CAST: variants seen among roughly 807,000 people sequenced by gnomAD.
The protein encoded by CAST is MIR583 host.
Under a neutral mutation model 119.6 loss-of-function variants are expected in CAST, and 76 were observed. That is an observed-to-expected ratio of 0.64 (90% confidence interval 0.53 to 0.77). The LOEUF is 0.77. CAST is among the 30% of genes least tolerant of loss of function. The probability of loss-of-function intolerance (pLI) is 0.00; values close to 1 mark genes in which losing one functional copy is unlikely to be tolerated. For synonymous variants in CAST, 319 were observed against 331.6 expected (o/e 0.96, Z 0.41); for missense variants, 953 against 946.5 (o/e 1.01, Z -0.09).
the CAST span, among the ~76,000 whole-genome samples, chr5:96,108,275 G>A: frequency 4.1e-3 from 590 of 144,290 alleles, 2 homozygotes; most frequent in Middle Eastern, 7.0e-3. Flanking sequence ...GAGGAACTGC[G>A]TTCCTTTGGA....
chr5:96,676,183 G>A (rs1750688495), intron 2 of CAST, among the ~76,000 whole-genome samples: 1 of 152,182 alleles, frequency 6.6e-6, no homozygotes, highest in Non-Finnish European at 1.5e-5. Context: ...GAAGGGTCAT[G>A]TGAAAGTTCT....
At chr5:96,689,265 T>C (rs1752445456) in intron 2 of CAST, among the ~76,000 whole-genome samples, 1 of 152,226 alleles carries the variant, frequency 6.6e-6, no homozygotes, top group Non-Finnish European at 1.5e-5. Flanking sequence ...AGGGACAATC[T>C]TATCAAGTAG....
At chr5:96,461,456 C>A in the CAST span, among the ~76,000 whole-genome samples, 1 of 152,094 alleles carries the variant, frequency 6.6e-6, no homozygotes, top group African/African-American at 2.4e-5. Flanking sequence ...AGCAGCTGCA[C>A]CATTTTTCAT....
chr5:96,198,681 A>G, the CAST span, among the ~76,000 whole-genome samples: 1 of 152,006 alleles, frequency 6.6e-6, no homozygotes, highest in Non-Finnish European at 1.5e-5. Flanking sequence ...TTCCTTTTTC[A>G]TACACAAACT....
intron 2 of CAST, among the ~76,000 whole-genome samples, chr5:96,678,908 T>G (rs1751012730): frequency 6.6e-6 from 1 of 152,080 alleles, no homozygotes; most frequent in African/African-American, 2.4e-5. Flanking sequence ...ATTTCAGAGT[T>G]CTTTCTCCCT....
At chr5:96,452,577 C>T in the CAST span, among the ~76,000 whole-genome samples, 83 of 141,580 alleles carry the variant, frequency 5.9e-4, no homozygotes, top group African/African-American at 2.1e-3. Flanking sequence ...AGCACCATGG[C>T]ACATGTATAC....
At chr5:96,299,587 G>T in the CAST span, among the ~76,000 whole-genome samples, 2 of 152,124 alleles carry the variant, frequency 1.3e-5, no homozygotes, top group East Asian at 3.9e-4. Context: ...TCCCTGCTTT[G>T]TTGAAGCATG....
chr5:96,433,482 T>C, the CAST span, among the ~76,000 whole-genome samples: 2 of 152,216 alleles, frequency 1.3e-5, no homozygotes, highest in South Asian at 4.1e-4. Flanking sequence ...AGAAACATTT[T>C]CACTTTTCAA....
At chr5:96,721,457 G>T (rs1561521557) in intron 3 of CAST, among the ~76,000 whole-genome samples, 1 of 152,048 alleles carries the variant, frequency 6.6e-6, no homozygotes, top group African/African-American at 2.4e-5. Flanking sequence ...TGGGGGTGGG[G>T]GAAGGTAAGG....
intron 28 of CAST, 119 bp from the exon 29 acceptor site, chr5:96,767,788 T>A: frequency 1.5e-6 from 1 of 660,340 alleles, no homozygotes; most frequent in Non-Finnish European, 2.7e-6. Flanking sequence ...TAATAAAGAA[T>A]GTCAGTCAGT....
the CAST span, among the ~76,000 whole-genome samples, chr5:96,233,947 G>A: frequency 6.8e-6 from 1 of 147,260 alleles, no homozygotes; most frequent in Admixed American, 6.8e-5. Context: ...TTACATAATT[G>A]CAAAAAAAAA....
the CAST span, among the ~76,000 whole-genome samples, chr5:96,109,608 A>T: frequency 6.6e-6 from 1 of 152,138 alleles, no homozygotes; most frequent in South Asian, 2.1e-4. Flanking sequence ...TCTGAGCAGG[A>T]GTGGGGGTGA....
upstream of CAST, chr5:96,529,818 T>C (rs1307484286): frequency 2.3e-6 from 1 of 438,766 alleles, no homozygotes; most frequent in Admixed American, 2.4e-5. Flanking sequence ...TTCGCCACCC[T>C]GTGGAGAGGT....
At chr5:96,428,158 A>G in the CAST span, among the ~76,000 whole-genome samples, 2 of 152,128 alleles carry the variant, frequency 1.3e-5, no homozygotes, top group Admixed American at 6.5e-5. Context: ...TAAAAATTCT[A>G]TCAGTTTCAG....
chr5:96,648,045 CT>C (rs1748040873), intron 1 of CAST, among the ~76,000 whole-genome samples: 2 of 152,308 alleles, frequency 1.3e-5, no homozygotes, highest in South Asian at 4.1e-4. Flanking sequence ...AGAGTAACTG[CT>C]TTTTCAACTT....
At chr5:96,353,190 A>G in the CAST span, among the ~76,000 whole-genome samples, 1 of 152,210 alleles carries the variant, frequency 6.6e-6, no homozygotes, top group Non-Finnish European at 1.5e-5. Flanking sequence ...TTACTTTATC[A>G]TTACCTATAA....
At chr5:96,162,468 A>G in the CAST span, among the ~76,000 whole-genome samples, 1 of 152,094 alleles carries the variant, frequency 6.6e-6, no homozygotes, top group African/African-American at 2.4e-5. Context: ...CCCAGGCTGG[A>G]GTGCAGTGGG....
intron 1 of CAST, among the ~76,000 whole-genome samples, chr5:96,534,737 GAGAGAA>G (rs1370550743): frequency 7.0e-4 from 10 of 14,216 alleles, no homozygotes; most frequent in African/African-American, 2.2e-3. Flanking sequence ...GAGAGAGAGA[GAGAGAA>G]AGAAAGAAAG....
At chr5:96,527,383 T>A (rs1397167621), upstream of CAST, among the ~76,000 whole-genome samples, 1 of 152,210 alleles carries the variant, frequency 6.6e-6, no homozygotes, top group Non-Finnish European at 1.5e-5. Context: ...CCAAGCTTAA[T>A]GTTTTCTGTT....
Sources: gnomAD v4.1 joint callset for allele counts (sites outside exome capture counted in the v4.1 genomes callset) on GRCh38, gnomAD v4.1.1 for gene constraint, MANE v1.5 for transcripts, NCBI Gene and HGNC (gene_info 2026-07-23, HGNC 2026-07-21) for gene names.